TNIP1: variants seen among roughly 807,000 people sequenced by gnomAD.
The protein encoded by TNIP1 is TNFAIP3-interacting protein 1.
In TNIP1, 22 loss-of-function variants were observed where a neutral mutation model predicts 86.6. The observed-to-expected ratio is 0.25, with a 90% CI of 0.18 to 0.36. TNIP1 has a LOEUF of 0.36. Ranked by LOEUF, TNIP1 falls within the 10% of genes least tolerant of loss-of-function variation. The probability of loss-of-function intolerance (pLI) is 1.00; values close to 1 mark genes in which losing one functional copy is unlikely to be tolerated. For missense variants in TNIP1, 709 were observed against 820.6 expected, an observed-to-expected ratio of 0.86 and a Z score of 1.66; for synonymous variants, 294 against 313.0, an observed-to-expected ratio of 0.94 and a Z score of 0.64.
chr5:151,040,070 C>A (rs926385816), intron 11 of TNIP1, among the ~76,000 whole-genome samples: 6 of 152,218 alleles, frequency 3.9e-5, no homozygotes, highest in African/African-American at 1.4e-4. Flanking sequence ...TTCCTATTCC[C>A]TTGCTCTCTC....
In TNIP1 at chr5:151,030,644, A is replaced by G. The variant is rs768349035; in HGVS notation, c.*69T>C. 1.2e-6 allele frequency: 2 copies of G among 1,611,910 alleles called. No homozygotes were observed. Among genetic ancestry groups the G allele is most frequent in the African/African-American group, 2.7e-5 (2 of 74,836 alleles). On this transcript the variant is annotated 3_prime_UTR_variant, in exon 18 of 18. Coordinates refer to ENST00000521591, the MANE Select transcript of TNIP1 (RefSeq NM_006058.5). ...TGGCCACACCGTGCAAGTGGCTTCT[A>G]GTTTCTTGGCAATCTGAGATCAGCT...
At position 151,063,743 on chromosome 5, in the gene TNIP1, C is replaced by G; in HGVS notation, c.141G>C (p.Glu47Asp). The G allele has an allele frequency of 1.9e-6, 3 of 1,613,844 alleles. No homozygotes were observed. Among genetic ancestry groups the G allele is most frequent in the Non-Finnish European group, 2.5e-6 (3 of 1,179,856 alleles). ...EKMQGIKMLGELLEESQMEAT... is the reference protein window; with the variant it reads ...EKMQGIKMLGDLLEESQMEAT... The stretch of plus-strand genomic sequence containing the variant: ...CTTCCATCTGGGACTCTTCCAAAAG[C>G]TCCCCTAGAGTTATTGGGGAAGAGG... The change falls in exon 3 of 18, where the codon GAG becomes GAC. Residue 47 changes from glutamate (E) to aspartate (D), a missense_variant. Glu to Asp is a conservative substitution (Grantham distance 45, BLOSUM62 2). Coordinates refer to ENST00000521591, the MANE Select transcript of TNIP1 (RefSeq NM_006058.5).
upstream of TNIP1, chr5:151,087,646 C>T (rs1322324115): frequency 6.6e-6 from 1 of 152,276 alleles, no homozygotes; most frequent in South Asian, 2.1e-4. Context: ...GGGGCCCACT[C>T]CTTCCTTGGT....
chr5:151,080,547 A>AT (rs1763891798), intron 1 of TNIP1, among the ~76,000 whole-genome samples: 1 of 152,208 alleles, frequency 6.6e-6, no homozygotes, highest in Admixed American at 6.5e-5. Context: ...GACGCCGCGT[A>AT]GGCAACTCGT....
Position 151,063,631 on chromosome 5 carries a change from G to A in TNIP1, c.253C>T (p.Pro85Ser). The A allele has an allele frequency of 6.2e-7, 1 of 1,614,044 alleles. No homozygotes were observed. Among genetic ancestry groups the A allele is most frequent in the Non-Finnish European group, 8.5e-7 (1 of 1,179,966 alleles). Residue 85 changes from proline to serine, a missense_variant, in exon 3 of 18, where the codon CCC (proline) becomes TCC (serine). Physicochemically the swap from Pro to Ser is moderately conservative, Grantham distance 74. Coordinates refer to ENST00000521591, the MANE Select transcript of TNIP1 (RefSeq NM_006058.5). The part of the protein sequence containing the change: ...PPSPSLGSFD[P>S]LAELTGKDSN... ...CTTATACCTGTGAGCTCAGCCAGGG[G>A]GTCGAAGGAGCCCAAGGAGGGAGAA...
intron 7 of TNIP1, 79 bp downstream of exon 7, chr5:151,052,086 C>A: frequency 3.7e-6 from 5 of 1,366,376 alleles, no homozygotes; most frequent in Non-Finnish European, 5.1e-6. Flanking sequence ...GGTCCTCAAC[C>A]CAGAAATCAG....
intron 1 of TNIP1, among the ~76,000 whole-genome samples, chr5:151,074,554 A>G (rs549447157): frequency 3.0e-4 from 45 of 152,176 alleles, no homozygotes; most frequent in Non-Finnish European, 6.0e-4. Flanking sequence ...TTCTCTGTAA[A>G]CCTTAAAATG....
At chr5:151,040,010 G>A (rs1254712510) in intron 11 of TNIP1, among the ~76,000 whole-genome samples, 2 of 152,182 alleles carry the variant, frequency 1.3e-5, no homozygotes, top group Non-Finnish European at 2.9e-5. Flanking sequence ...TCCAGAGAGG[G>A]GAAGTGACGT....
intron 7 of TNIP1, 133 bp from the exon 8 acceptor site, chr5:151,050,080 T>C (rs1759709121): frequency 6.8e-7 from 1 of 1,463,930 alleles, no homozygotes; most frequent in East Asian, 2.3e-5. Flanking sequence ...AAACCTGCCC[T>C]CCTGGAAAAC....
intron 5 of TNIP1, among the ~76,000 whole-genome samples, chr5:151,059,836 T>C (rs1391645941): frequency 2.9e-4 from 24 of 83,332 alleles, no homozygotes; most frequent in Non-Finnish European, 4.9e-4. Flanking sequence ...AGAGTGTGTG[T>C]GTGTGTGTGT....
intron 6 of TNIP1, among the ~76,000 whole-genome samples, chr5:151,053,592 G>C (rs1307900063): frequency 1.3e-5 from 2 of 152,202 alleles, no homozygotes; most frequent in Non-Finnish European, 2.9e-5. Flanking sequence ...CACAGGCTGG[G>C]GGGAAGGGAA....
intron 11 of TNIP1, 150 bp downstream of exon 11, chr5:151,042,390 G>T: frequency 1.1e-6 from 1 of 942,210 alleles, no homozygotes. Flanking sequence ...TGCAGTGCAG[G>T]GAAGGAACGT....
At chr5:151,078,110 T>C (rs1763594478) in intron 1 of TNIP1, among the ~76,000 whole-genome samples, 1 of 152,202 alleles carries the variant, frequency 6.6e-6, no homozygotes, top group Non-Finnish European at 1.5e-5. Context: ...TGGCACACAA[T>C]GCCTTTCAGG....
Position 151,058,670 on chromosome 5 carries a change from C to T in TNIP1, c.435+1648G>A, listed in dbSNP as rs551406295. On this transcript the variant is annotated intron_variant, in intron 5 of 17. Transcript: ENST00000521591. ...CTGCTCATCCTTCCCACCCTGTCCACGGCTCAGCTCCTCCAGCAGCCTCCC... is the reference window on the plus strand; with the variant it reads ...CTGCTCATCCTTCCCACCCTGTCCATGGCTCAGCTCCTCCAGCAGCCTCCC... Among the ~76,000 whole-genome samples the T allele has an allele frequency of 3.9e-5, 6 of 152,310 alleles. No homozygotes were observed. In the East Asian group the frequency reaches 5.8e-4, roughly 15 times the overall value.
At chr5:151,036,764 A>G (rs761321913) in intron 13 of TNIP1, 26 bp downstream of exon 13, 2 of 1,613,734 alleles carry the variant, frequency 1.2e-6, no homozygotes, top group South Asian at 2.2e-5. Flanking sequence ...AGCACCTCCC[A>G]CCTGATTTCC....
At position 151,052,264 on chromosome 5, in the gene TNIP1, G is replaced by C; in HGVS notation, c.628-5C>G. On this transcript the variant is annotated splice_polypyrimidine_tract_variant and splice_region_variant and intron_variant, in intron 6 of 17. Coordinates refer to ENST00000521591, the MANE Select transcript of TNIP1 (RefSeq NM_006058.5). ...CCGAAGCTGCTCACACAGGGTCTGTGGGGCAGGGGAACAGACAGGGTGAGG... is the reference window on the plus strand; with the variant it reads ...CCGAAGCTGCTCACACAGGGTCTGTCGGGCAGGGGAACAGACAGGGTGAGG... The C allele has an allele frequency of 2.5e-6, 4 of 1,612,740 alleles. No homozygotes were observed. Among genetic ancestry groups the C allele is most frequent in the Non-Finnish European group, 3.4e-6 (4 of 1,179,330 alleles).
At chr5:151,064,792 T>C (rs1581876959) in intron 2 of TNIP1, among the ~76,000 whole-genome samples, 168 bp downstream of exon 2, 1 of 152,174 alleles carries the variant, frequency 6.6e-6, no homozygotes, top group East Asian at 1.9e-4. Context: ...CCATGCTACA[T>C]GGTGCATAGA....
chr5:151,060,607 T>C (rs1015803213), intron 4 of TNIP1, among the ~76,000 whole-genome samples: 1 of 152,242 alleles, frequency 6.6e-6, no homozygotes, highest in African/African-American at 2.4e-5. Context: ...ATCCCCTCGA[T>C]GGCCAATCCT....
chr5:151,030,523 T>C lies in TNIP1; in HGVS notation c.*190A>G. 1.2e-6 allele frequency: 1 copy of C among 837,714 alleles called. No individual in the cohort carries two copies. Among genetic ancestry groups the C allele is most frequent in the Non-Finnish European group, 1.8e-6 (1 of 541,844 alleles). The allele number at this position is 837,714 out of a possible 1,614,324, so 51.9% of individuals were successfully genotyped here. A position where few individuals can be genotyped will look rare whatever the true frequency, so the allele number is the denominator to read the frequency against. On this transcript the variant is annotated 3_prime_UTR_variant, in exon 18 of 18. Coordinates refer to ENST00000521591, the MANE Select transcript of TNIP1 (RefSeq NM_006058.5). ...TCCCAGCAGAGTACAAATGAAAGCC[T>C]TCTGGGTGGAGCCTCCCCAGTCCTG...
Sources: allele counts gnomAD v4.1 joint callset (sites outside exome capture counted in the v4.1 genomes callset), GRCh38; gene constraint gnomAD v4.1.1; transcripts MANE v1.5; gene names NCBI Gene and HGNC (gene_info 2026-07-23, HGNC 2026-07-21).